CSMD1: variants seen among roughly 807,000 people sequenced by gnomAD.
CSMD1 encodes the protein CUB and sushi domain-containing protein 1.
Under a neutral mutation model 417.5 loss-of-function variants are expected in CSMD1, and 213 were observed. That is an observed-to-expected ratio of 0.51 (90% confidence interval 0.46 to 0.57). CSMD1 has a LOEUF of 0.57. CSMD1 is among the 20% of genes least tolerant of loss of function. The pLI is 0.00. For synonymous variants in CSMD1, 2,862 were observed against 1,736.8 expected (o/e 1.65, Z -16.11); for missense variants, 6,923 against 4,529.7 (o/e 1.53, Z -15.17).
chr8:3,528,013 C>G (rs1797825509), intron 10 of CSMD1, among the ~76,000 whole-genome samples: 1 of 152,130 alleles, frequency 6.6e-6, no homozygotes. Context: ...TTCTGACAAC[C>G]AAAACTGTCT....
intron 5 of CSMD1, among the ~76,000 whole-genome samples, chr8:3,838,597 TATAA>T (rs941832212): frequency 1.1e-4 from 15 of 140,248 alleles, no homozygotes; most frequent in African/African-American, 1.6e-4. Flanking sequence ...TCCCTCTCTA[TATAA>T]ATATTTATAT....
At chr8:3,214,384 T>A in intron 30 of CSMD1, 113 bp downstream of exon 30, 1 of 891,748 alleles carries the variant, frequency 1.1e-6, no homozygotes. Flanking sequence ...CTCTAAGCAA[T>A]CCTCACCACC....
Position 4,994,476 on chromosome 8 carries a change from T to G in CSMD1, c.-60A>C, listed in dbSNP as rs1226502635. The G allele has an allele frequency of 2.0e-6, 3 of 1,477,656 alleles. No individual in the cohort carries two copies. The highest frequency in any genetic ancestry group is 2.3e-5 in the East Asian group (1 of 43,700). The allele number at this position is 1,477,656 out of a possible 1,614,324, so 91.5% of individuals were successfully genotyped here. On this transcript the variant is annotated 5_prime_UTR_variant, in exon 1 of 70. Transcript: ENST00000635120. ...GGCTCCTCCGAGGAAGGCAGGGCTA[T>G]GAGCGGAGCCAAATAATCACCCGAG...
chr8:4,752,795 G>T (rs542272118), intron 1 of CSMD1, among the ~76,000 whole-genome samples: 86 of 152,106 alleles, frequency 5.7e-4, no homozygotes, highest in African/African-American at 2.0e-3. Flanking sequence ...AGGAGAGAAG[G>T]CATCAGTACC....
chr8:4,612,117 G>T (rs546979405), intron 2 of CSMD1, among the ~76,000 whole-genome samples: 2 of 152,232 alleles, frequency 1.3e-5, no homozygotes, highest in Admixed American at 1.3e-4. Flanking sequence ...TTTCATGAAG[G>T]AATGCATCTC....
In CSMD1 at chr8:3,108,684, C is replaced by A; in HGVS notation, c.6673G>T (p.Ala2225Ser). ...AGGACTTGGTTGGTGGAGCTATACG[C>A]CGTTTCGAGGGCTGTGTTGCCACTG... ...VFSGNTALET[A>S]YSSTNQVLLK... Residue 2225 changes from alanine to serine, a missense_variant, in exon 44 of 70, where the codon GCG (alanine) becomes TCG (serine). By Grantham distance (99) the Ala-to-Ser change is moderately conservative (BLOSUM62 1). Coordinates refer to ENST00000635120, the MANE Select transcript of CSMD1 (RefSeq NM_033225.6). The A allele has an allele frequency of 6.2e-7, 1 of 1,613,700 alleles. No individual in the cohort carries two copies. The highest frequency in any genetic ancestry group is 1.3e-5 in the African/African-American group (1 of 75,042).
chr8:3,838,849 T>C (rs1156954289), intron 5 of CSMD1, among the ~76,000 whole-genome samples: 2 of 120,312 alleles, frequency 1.7e-5, no homozygotes, highest in African/African-American at 6.9e-5. Context: ...TTATATATAC[T>C]ATTATATATA....
chr8:4,857,221 G>A (rs972561450), intron 1 of CSMD1, among the ~76,000 whole-genome samples: 2 of 149,148 alleles, frequency 1.3e-5, no homozygotes, highest in East Asian at 4.0e-4. Flanking sequence ...AAACCAACGA[G>A]AACAAAGACA....
intron 52 of CSMD1, among the ~76,000 whole-genome samples, chr8:3,002,738 G>A (rs895058426): frequency 1.3e-5 from 2 of 152,144 alleles, no homozygotes; most frequent in African/African-American, 4.8e-5. Flanking sequence ...TGGCAAACAA[G>A]GACTTGTAAT....
At chr8:4,075,903 C>A (rs1799796956) in intron 3 of CSMD1, among the ~76,000 whole-genome samples, 1 of 152,100 alleles carries the variant, frequency 6.6e-6, no homozygotes, top group African/African-American at 2.4e-5. Context: ...TGGAATCTTT[C>A]CCAATCCACT....
chr8:4,507,465 T>C (rs1802587941), intron 2 of CSMD1, among the ~76,000 whole-genome samples: 1 of 152,194 alleles, frequency 6.6e-6, no homozygotes, highest in Non-Finnish European at 1.5e-5. Flanking sequence ...TCTCTGGCTA[T>C]TGATTACAAA....
intron 1 of CSMD1, among the ~76,000 whole-genome samples, chr8:4,688,816 T>A (rs980557156): frequency 3.3e-5 from 5 of 152,174 alleles, no homozygotes; most frequent in Non-Finnish European, 7.3e-5. Context: ...TCTGTAAACA[T>A]CGCAAGTGGT....
At chr8:4,732,511 C>G (rs1563244963) in intron 1 of CSMD1, among the ~76,000 whole-genome samples, 1 of 152,060 alleles carries the variant, frequency 6.6e-6, no homozygotes, top group Non-Finnish European at 1.5e-5. Context: ...TTTCGAGTAA[C>G]TTTGCCAAAT....
chr8:3,143,916 A>G (rs973019314), intron 40 of CSMD1, among the ~76,000 whole-genome samples: 4 of 152,364 alleles, frequency 2.6e-5, no homozygotes, highest in African/African-American at 9.6e-5. Context: ...TACTTTGTAA[A>G]AAGGAAGAAA....
At chr8:4,669,677 G>T (rs79260370) in intron 1 of CSMD1, among the ~76,000 whole-genome samples, 4,748 of 152,134 alleles carry the variant, frequency 0.031, 249 homozygotes, top group African/African-American at 0.11. Flanking sequence ...GAAGCTGTTG[G>T]TTTTTTGCTA....
intron 1 of CSMD1, among the ~76,000 whole-genome samples, chr8:4,890,008 CTAA>C (rs1804002021): frequency 6.6e-6 from 1 of 152,038 alleles, no homozygotes; most frequent in South Asian, 2.1e-4. Flanking sequence ...GGTATCTTAC[CTAA>C]TAATTAATAT....
chr8:3,429,136 A>C (rs1814046492), intron 12 of CSMD1, among the ~76,000 whole-genome samples: 1 of 152,186 alleles, frequency 6.6e-6, no homozygotes. Context: ...GGGTGATTAC[A>C]CTTAACAATA....
chr8:3,539,581 C>T (rs559417361), intron 10 of CSMD1, among the ~76,000 whole-genome samples: 1 of 152,134 alleles, frequency 6.6e-6, no homozygotes, highest in Non-Finnish European at 1.5e-5. Context: ...TAACACTTCG[C>T]CAAGAATTGA....
chr8:4,757,574 T>A (rs1287675360), intron 1 of CSMD1, among the ~76,000 whole-genome samples: 1 of 152,198 alleles, frequency 6.6e-6, no homozygotes, highest in Non-Finnish European at 1.5e-5. Context: ...AGGCTAAGTC[T>A]GAGCAATAGC....
Sources: allele counts gnomAD v4.1 joint callset (sites outside exome capture counted in the v4.1 genomes callset), GRCh38; gene constraint gnomAD v4.1.1; transcripts MANE v1.5; gene names NCBI Gene and HGNC (gene_info 2026-07-23, HGNC 2026-07-21).